The following CHST9 variants were observed in gnomAD, a reference collection of about 807,000 sequenced individuals.
The protein encoded by CHST9 is carbohydrate sulfotransferase 9, also known as GalNAc-4-sulfotransferase 2.
Under a neutral mutation model 44.4 loss-of-function variants are expected in CHST9, and 41 were observed. The ratio of observed to expected loss-of-function variants is 0.92; its 90% CI spans 0.72 to 1.20. The LOEUF is 1.20. Among genes scored for constraint, CHST9 ranks in the 50% most tolerant of loss-of-function variants. The pLI is 0.00. For missense variants in CHST9, 504 were observed against 516.5 expected, an observed-to-expected ratio of 0.98 and a Z score of 0.23; for synonymous variants, 171 against 178.4, an observed-to-expected ratio of 0.96 and a Z score of 0.33.
intron 2 of CHST9, among the ~76,000 whole-genome samples, chr18:27,074,601 C>G (rs529032188): frequency 1.2e-4 from 19 of 152,096 alleles, no homozygotes; most frequent in African/African-American, 4.3e-4. Flanking sequence ...TTCCCCTACT[C>G]CAAGTCCTGG....
chr18:27,054,503 C>T (rs1008187570), intron 2 of CHST9, among the ~76,000 whole-genome samples: 2 of 152,104 alleles, frequency 1.3e-5, no homozygotes, highest in South Asian at 2.1e-4. Flanking sequence ...TTTAATTGAA[C>T]ACTAAAGTTC....
intron 3 of CHST9, among the ~76,000 whole-genome samples, chr18:27,032,275 T>C (rs902623659): frequency 6.6e-6 from 1 of 152,144 alleles, no homozygotes; most frequent in African/African-American, 2.4e-5. Context: ...AGATGGAGTT[T>C]AGCAGTAGAA....
intron 2 of CHST9, among the ~76,000 whole-genome samples, chr18:27,091,937 G>A (rs781781589): frequency 1.3e-5 from 2 of 152,154 alleles, no homozygotes; most frequent in Non-Finnish European, 2.9e-5. Flanking sequence ...CCAGGCTTTG[G>A]TATCAGGATG....
chr18:27,134,898 T>C (rs1313895112), intron 2 of CHST9, among the ~76,000 whole-genome samples: 1 of 152,062 alleles, frequency 6.6e-6, no homozygotes, highest in Non-Finnish European at 1.5e-5. Context: ...AGTTTCTGAG[T>C]TCTGGGGAGA....
intron 2 of CHST9, among the ~76,000 whole-genome samples, chr18:27,080,682 C>A (rs541818237): frequency 6.6e-6 from 1 of 151,990 alleles, no homozygotes; most frequent in Non-Finnish European, 1.5e-5. Context: ...GAAAAGTGAG[C>A]CACACACTGG....
rs540469104 is a variant in CHST9 at position 27,063,721 on chromosome 18, C to T, written c.122-15218G>A. On this transcript the variant is annotated intron_variant, in intron 2 of 5. Coordinates refer to ENST00000618847, the MANE Select transcript of CHST9 (RefSeq NM_031422.6). The stretch of plus-strand genomic sequence containing the variant: ...GGCTGCTTACATAGCCCCAATCTGT[C>T]AGTTTGATTTTAAACTCCTCAATTC... 2.6e-5 allele frequency among the ~76,000 whole-genome samples: 4 copies of T among 152,242 alleles called. No homozygotes were observed. The South Asian group carries it at 8.3e-4, about 32-fold the overall frequency.
chr18:27,065,683 T>A (rs2057775072), intron 2 of CHST9, among the ~76,000 whole-genome samples: 1 of 149,244 alleles, frequency 6.7e-6, no homozygotes, highest in Admixed American at 6.8e-5. Context: ...GGTGAATATA[T>A]AAATATGGTA....
chr18:26,944,308 TTACGAGAAATGAGAGAA>T lies in CHST9; in HGVS notation c.240+4_240+20del. The T allele has an allele frequency of 6.3e-7, 1 of 1,587,384 alleles. No individual in the cohort carries two copies. The highest frequency in any genetic ancestry group is 2.2e-5 in the East Asian group (1 of 44,724). ...TTGAAACAAAATTCTATATTAGAGT[TTACGAGAAATGAGAGAA>T]TACCTGGTTGGTGATATGTTCCTGG... On this transcript the variant is annotated splice_donor_5th_base_variant and intron_variant, in intron 5 of 5. Transcript: ENST00000618847.
chr18:27,053,211 AG>A (rs2057598544), intron 2 of CHST9, among the ~76,000 whole-genome samples: 7 of 89,830 alleles, frequency 7.8e-5, no homozygotes, highest in Admixed American at 2.7e-4. Flanking sequence ...CAAGAAGAGG[AG>A]GAAGAGGAAG....
chr18:26,980,436 G>A (rs1426977705), intron 4 of CHST9, among the ~76,000 whole-genome samples: 1 of 152,182 alleles, frequency 6.6e-6, no homozygotes, highest in African/African-American at 2.4e-5. Flanking sequence ...ATTGGAGGAT[G>A]AGAGAGATGA....
At chr18:27,113,535 G>A (rs1567921056) in intron 2 of CHST9, among the ~76,000 whole-genome samples, 1 of 152,176 alleles carries the variant, frequency 6.6e-6, no homozygotes, top group African/African-American at 2.4e-5. Context: ...GGCCTTGGGA[G>A]GTAATTAGGT....
chr18:26,989,486 T>G (rs756714138), intron 4 of CHST9, among the ~76,000 whole-genome samples: 2 of 152,354 alleles, frequency 1.3e-5, no homozygotes, highest in East Asian at 3.9e-4. Context: ...GATGGTAACA[T>G]GAAATGGTGC....
At chr18:27,082,669 A>G (rs1020706214) in intron 2 of CHST9, among the ~76,000 whole-genome samples, 4 of 152,238 alleles carry the variant, frequency 2.6e-5, no homozygotes, top group Admixed American at 6.5e-5. Context: ...AGCTTCTCAC[A>G]GTTGGTTTCC....
intron 2 of CHST9, among the ~76,000 whole-genome samples, chr18:27,094,859 C>CT (rs1290730821): frequency 1.3e-5 from 2 of 152,146 alleles, no homozygotes; most frequent in Non-Finnish European, 2.9e-5. Flanking sequence ...ACACCTCTGT[C>CT]TTTTTTATTT....
At chr18:27,177,229 GA>G (rs1339960255) in intron 1 of CHST9, among the ~76,000 whole-genome samples, 1 of 151,506 alleles carries the variant, frequency 6.6e-6, no homozygotes, top group Admixed American at 6.6e-5. Flanking sequence ...ATCTTTTGGG[GA>G]AAAAAATTAC....
At chr18:27,151,738 G>C in intron 1 of CHST9, among the ~76,000 whole-genome samples, 1 of 152,128 alleles carries the variant, frequency 6.6e-6, no homozygotes, top group East Asian at 1.9e-4. Flanking sequence ...GGGAATGTAG[G>C]TGGCCTCTAG....
At chr18:26,990,653 T>C (rs1352668701) in intron 4 of CHST9, among the ~76,000 whole-genome samples, 1 of 152,216 alleles carries the variant, frequency 6.6e-6, no homozygotes, top group East Asian at 1.9e-4. Flanking sequence ...GTTTGCTGTG[T>C]CTTCCCTGCA....
chr18:27,143,792 G>A (rs1356378384), intron 1 of CHST9, among the ~76,000 whole-genome samples: 1 of 151,952 alleles, frequency 6.6e-6, no homozygotes, highest in Non-Finnish European at 1.5e-5. Context: ...GGGCCTCTTG[G>A]GGGATGGGGG....
chr18:26,934,692 C>T (rs967148614), intron 5 of CHST9: 1 of 152,178 alleles, frequency 6.6e-6, no homozygotes, highest in Non-Finnish European at 1.5e-5. Context: ...GATACAATTT[C>T]AGGAAAAATT....
Sources: allele counts gnomAD v4.1 joint callset (sites outside exome capture counted in the v4.1 genomes callset), GRCh38; gene constraint gnomAD v4.1.1; transcripts MANE v1.5; gene names NCBI Gene and HGNC (gene_info 2026-07-23, HGNC 2026-07-21).